The following STIM2 variants were observed in gnomAD, a reference collection of about 807,000 sequenced individuals.
STIM2 encodes the protein stromal interaction molecule 2.
Under a neutral mutation model 85.8 loss-of-function variants are expected in STIM2, and 31 were observed. That is an observed-to-expected ratio of 0.36 (90% CI 0.27 to 0.49). The LOEUF is 0.49. Ranked by LOEUF, STIM2 falls within the 20% of genes least tolerant of loss-of-function variation. STIM2 has a pLI of 0.98. For missense variants in STIM2, 841 were observed against 927.6 expected (o/e 0.91, Z 1.21); for synonymous variants, 356 against 331.1 (o/e 1.08, Z -0.82).
chr4:26,861,660 A>G (rs1010445407), intron 1 of STIM2: 4 of 278,008 alleles, frequency 1.4e-5, no homozygotes, highest in Non-Finnish European at 2.6e-5. Flanking sequence ...TTCGTGCTGC[A>G]GAAGTGCCAG....
At chr4:26,947,725 G>T (rs1378573225) in intron 2 of STIM2, among the ~76,000 whole-genome samples, 1 of 152,158 alleles carries the variant, frequency 6.6e-6, no homozygotes, top group Non-Finnish European at 1.5e-5. Flanking sequence ...GTGGGGCTCT[G>T]CTTTGGCACT....
In STIM2 at chr4:27,023,686, C is replaced by G. The variant is rs1281643387; in HGVS notation, c.*690C>G. 1 of 152,560 alleles carries G rather than the reference C, an allele frequency of 6.6e-6. No homozygotes were observed. The highest frequency in any genetic ancestry group is 6.5e-5 in the Admixed American group (1 of 15,290). The allele number at this position is 152,560 out of a possible 1,614,324, so 9.5% of individuals were successfully genotyped here. A position where few individuals can be genotyped will look rare whatever the true frequency, so the allele number is the denominator to read the frequency against. ...AAGTTTCAAGTCCCGCTGTAAAGAT[C>G]ATGTTGTTTTGTTTTCCCCAGGGCT... is the stretch of plus-strand genomic sequence containing the variant. On this transcript the variant is annotated 3_prime_UTR_variant, in exon 12 of 12. Transcript: ENST00000467087.
At position 26,912,057 on chromosome 4, in the gene STIM2, A is replaced by G. The variant is rs548884309; in HGVS notation, c.152-7447A>G. Among the ~76,000 whole-genome samples the G allele has an allele frequency of 4.6e-5, 7 of 152,288 alleles. No homozygotes were observed. The East Asian group carries it at 1.2e-3, about 25-fold the overall frequency. ...AATGACACCTGAAAATTTTCTCGAG[A>G]ATTTACTCTGAAAATACTCACGTTG... On this transcript the variant is annotated intron_variant, in intron 1 of 11. Coordinates refer to ENST00000467087, the MANE Select transcript of STIM2 (RefSeq NM_020860.4).
Position 26,991,472 on chromosome 4 carries a change from CAGTT to C in STIM2, c.398-3904_398-3901del, listed in dbSNP as rs371349737. Among the ~76,000 whole-genome samples, 195 of 152,012 alleles carry C rather than the reference CAGTT, an allele frequency of 1.3e-3. No homozygotes were observed. In the Middle Eastern group the frequency reaches 0.014, roughly 11 times the overall value. ...AAGTTGGTTAATGGGTACAAAAATG[CAGTT>C]AGGTAGAAGTAATAAGTTCTAGTAT... is the stretch of plus-strand genomic sequence containing the variant. On this transcript the variant is annotated intron_variant, in intron 3 of 11. Coordinates refer to ENST00000467087, the MANE Select transcript of STIM2 (RefSeq NM_020860.4).
At chr4:26,913,317 A>G (rs1348404819) in intron 1 of STIM2, among the ~76,000 whole-genome samples, 1 of 151,932 alleles carries the variant, frequency 6.6e-6, no homozygotes, top group Non-Finnish European at 1.5e-5. Flanking sequence ...TAGTAACTAT[A>G]CATAGTAATA....
intron 3 of STIM2, among the ~76,000 whole-genome samples, chr4:26,992,172 A>G (rs16878671): frequency 0.32 from 48,407 of 151,998 alleles, 7,783 homozygotes; most frequent in East Asian, 0.39. Flanking sequence ...AATTTCTTAT[A>G]CATACAAATC....
intron 1 of STIM2, 39 bp from the exon 2 acceptor site, chr4:26,919,465 G>T: frequency 6.2e-7 from 1 of 1,609,928 alleles, no homozygotes. Flanking sequence ...CCTTTGTTTT[G>T]GTATGGCAAG....
In STIM2 at chr4:26,891,558, TACACACACACACACAC is replaced by T. The variant is rs71643700; in HGVS notation, c.152-27921_152-27906del. ...ATATAAAGATATGTGTATACATACA[TACACACACACACACAC>T]ACACACACACACACACACACACACC... is the stretch of plus-strand genomic sequence containing the variant. On this transcript the variant is annotated intron_variant, in intron 1 of 11. Coordinates refer to ENST00000467087, the MANE Select transcript of STIM2 (RefSeq NM_020860.4). Among the ~76,000 whole-genome samples, 449 of 144,636 alleles carry T rather than the reference TACACACACACACACAC, an allele frequency of 3.1e-3. 2 individuals are homozygous for T. The highest frequency in any genetic ancestry group is 0.011 in the African/African-American group (417 of 39,674). The allele number at this position is 144,636 out of a possible 152,430, so 94.9% of individuals were successfully genotyped here.
chr4:27,022,975 T>G lies in STIM2; in HGVS notation c.2220T>G (p.Leu740=), dbSNP rs2109150368. ...AAAAGCCATCAAAAATCAAAAGCCT[T>G]TTTAAGAAGAAATCTAAGTGAACTG... is the stretch of plus-strand genomic sequence containing the variant. The change falls in exon 12 of 12, where the codon CTT becomes CTG. Residue 740 remains leucine (L), a synonymous_variant. Transcript: ENST00000467087. 6.2e-7 allele frequency: 1 copy of G among 1,612,696 alleles called. No individual in the cohort carries two copies. The highest frequency in any genetic ancestry group is 8.5e-7 in the Non-Finnish European group (1 of 1,179,846).
rs146776651 is a variant in STIM2 at position 26,977,521 on chromosome 4, C to A, written c.398-17858C>A. ...AGAAGTAGAAGACCTGTTGAGGCTT[C>A]GCGTGAACTGGTGAGAGGTGATGGT... is the stretch of plus-strand genomic sequence containing the variant. On this transcript the variant is annotated intron_variant, in intron 3 of 11. Transcript: ENST00000467087. 3.8e-3 allele frequency among the ~76,000 whole-genome samples: 576 copies of A among 152,144 alleles called. 6 individuals carry two copies. Among genetic ancestry groups the A allele is most frequent in the African/African-American group, 0.013 (558 of 41,514 alleles).
chr4:27,019,472 A>C, intron 11 of STIM2: 1 of 1,289,822 alleles, frequency 7.8e-7, no homozygotes, highest in Non-Finnish European at 1.0e-6. Flanking sequence ...AATCAGAAGG[A>C]AAACTCGAGA....
chr4:26,932,986 A>G (rs1371270626), intron 2 of STIM2, among the ~76,000 whole-genome samples: 3 of 152,198 alleles, frequency 2.0e-5, no homozygotes, highest in Non-Finnish European at 4.4e-5. Context: ...GAAGTGAGAA[A>G]AGACATGAGA....
intron 3 of STIM2, among the ~76,000 whole-genome samples, chr4:26,969,482 A>G (rs1420666797): frequency 6.6e-6 from 1 of 152,234 alleles, no homozygotes; most frequent in Non-Finnish European, 1.5e-5. Flanking sequence ...GCTCTACTGC[A>G]ATGAATAATA....
chr4:26,951,944 A>G (rs528766945), intron 2 of STIM2, among the ~76,000 whole-genome samples: 1 of 152,238 alleles, frequency 6.6e-6, no homozygotes, highest in East Asian at 1.9e-4. Flanking sequence ...TTTTGGCTGG[A>G]TCATGGTGGG....
At chr4:26,899,597 G>A (rs1200499466) in intron 1 of STIM2, among the ~76,000 whole-genome samples, 1 of 152,072 alleles carries the variant, frequency 6.6e-6, no homozygotes, top group African/African-American at 2.4e-5. Flanking sequence ...GAAGAATATA[G>A]GGTAAAAGTA....
intron 3 of STIM2, among the ~76,000 whole-genome samples, chr4:26,978,063 C>T (rs1727259357): frequency 6.6e-6 from 1 of 151,988 alleles, no homozygotes; most frequent in Non-Finnish European, 1.5e-5. Flanking sequence ...GAGACAGATT[C>T]ACTGTAGGAG....
chr4:26,996,575 T>G (rs1727967443), intron 4 of STIM2, among the ~76,000 whole-genome samples: 1 of 152,108 alleles, frequency 6.6e-6, no homozygotes, highest in African/African-American at 2.4e-5. Flanking sequence ...TTAGTATTTC[T>G]GATTTTATTA....
rs1279885007 is a variant in STIM2 at position 26,923,573 on chromosome 4, T to G, written c.282+3939T>G. On this transcript the variant is annotated intron_variant, in intron 2 of 11. Coordinates refer to ENST00000467087, the MANE Select transcript of STIM2 (RefSeq NM_020860.4). ...ACCGGTACCAGCCGCTGCAAAATCATGCCAAAATGTAAAGACCATCGAGAC... is the reference window on the plus strand; with the variant it reads ...ACCGGTACCAGCCGCTGCAAAATCAGGCCAAAATGTAAAGACCATCGAGAC... Among the ~76,000 whole-genome samples, 3 of 138,562 alleles carry G rather than the reference T, an allele frequency of 2.2e-5. No individual in the cohort carries two copies. The East Asian group carries it at 6.4e-4, about 30-fold the overall frequency. 90.9% of individuals were successfully genotyped at this position (138,562 alleles called of 152,430 possible).
intron 1 of STIM2, among the ~76,000 whole-genome samples, chr4:26,908,140 A>C (rs1173443278): frequency 1.3e-5 from 2 of 152,188 alleles, no homozygotes; most frequent in African/African-American, 4.8e-5. Flanking sequence ...TTCCTTTTTG[A>C]AAGTAGTGCT....
Sources: allele counts gnomAD v4.1 joint callset (sites outside exome capture counted in the v4.1 genomes callset), GRCh38; gene constraint gnomAD v4.1.1; transcripts MANE v1.5; gene names NCBI Gene and HGNC (gene_info 2026-07-23, HGNC 2026-07-21).